ADNP2: variants seen among roughly 807,000 people sequenced by gnomAD.
ADNP2 encodes ADNP homeobox 2, also known as activity-dependent neuroprotector homeobox protein 2.
ADNP2 carries 8 observed loss-of-function variants against 16.4 expected under a neutral mutation model. The ratio of observed to expected loss-of-function variants is 0.49; its 90% confidence interval spans 0.29 to 0.88. The LOEUF (loss-of-function observed/expected upper bound fraction) is 0.88, where lower values mean the gene tolerates loss of function less well. Ranked by LOEUF, ADNP2 falls within the 40% of genes least tolerant of loss-of-function variation. The pLI, the probability that ADNP2 is intolerant of heterozygous loss-of-function variation, is 0.09. For synonymous variants in ADNP2, 637 were observed against 545.8 expected (o/e 1.17, Z -2.33); for missense variants, 1,397 against 1,395.1 (o/e 1.00, Z -0.02).
chr18:80,130,824 AGC>A (rs2052491549), intron 2 of ADNP2, among the ~76,000 whole-genome samples: 3 of 145,110 alleles, frequency 2.1e-5, no homozygotes, highest in Non-Finnish European at 4.5e-5. Context: ...CATTATTCAT[AGC>A]ACCTACCACC....
chr18:80,135,500 G>C lies in ADNP2; in HGVS notation c.199-112G>C. On this transcript the variant is annotated intron_variant, in intron 3 of 3. Transcript: ENST00000262198. ...CCCTGGGTTAGAAAACATTAAGTCA[G>C]GTTAAATGCCTAGCACATTAGAAGA... 5 of 1,117,868 alleles carry C rather than the reference G, an allele frequency of 4.5e-6. No individual in the cohort carries two copies. The South Asian group carries it at 8.4e-5, about 19-fold the overall frequency. The allele number at this position is 1,117,868 out of a possible 1,614,324, so 69.2% of individuals were successfully genotyped here.
chr18:80,114,405 A>G (rs1007152723), intron 1 of ADNP2, among the ~76,000 whole-genome samples: 2 of 152,206 alleles, frequency 1.3e-5, no homozygotes, highest in African/African-American at 4.8e-5. Flanking sequence ...TGACTGATAT[A>G]TATTTTAGCT....
rs34515123 is a variant in ADNP2, at chr18:80,134,386, A to AGTGTGTGTGTGT, written c.199-1204_199-1193dup. Among the ~76,000 whole-genome samples, 49 of 146,322 alleles carry AGTGTGTGTGTGT rather than the reference A, an allele frequency of 3.3e-4. 1 individual carries two copies. Among genetic ancestry groups the AGTGTGTGTGTGT allele is most frequent in the African/African-American group, 1.1e-3 (45 of 39,618 alleles). ...AAAACAAAAAACTGAAGAATGGAAG[A>AGTGTGTGTGTGT]GTGTGTGTGTGTGTGTGTGTGTGTG... On this transcript the variant is annotated intron_variant, in intron 3 of 3. Transcript: ENST00000262198.
intron 2 of ADNP2, among the ~76,000 whole-genome samples, chr18:80,126,382 CTTTGCGTAGATGTGTA>C (rs1418147160): frequency 6.6e-6 from 1 of 152,032 alleles, no homozygotes; most frequent in African/African-American, 2.4e-5. Flanking sequence ...GTCTTCATCC[CTTTGCGTAGATGTGTA>C]TTTCCATCTC....
At chr18:80,133,344 A>G in intron 3 of ADNP2, 152 bp downstream of exon 3, 1 of 685,034 alleles carries the variant, frequency 1.5e-6, no homozygotes, top group Admixed American at 2.2e-5. Flanking sequence ...CAAGAAACCA[A>G]GTATAGTGTG....
Position 80,136,403 on chromosome 18 carries a change from C to G in ADNP2, c.990C>G (p.His330Gln). 6.2e-7 allele frequency: 1 copy of G among 1,614,216 alleles called. No homozygotes were observed. Among genetic ancestry groups the G allele is most frequent in the East Asian group, 2.2e-5 (1 of 44,876 alleles). The change falls in exon 4 of 4, where the codon CAC (histidine) becomes CAG (glutamine). Residue 330 changes from histidine to glutamine, a missense_variant. Transcript: ENST00000262198. ...CCCCCCCTGCTGCTGGCCAATCCCACATGACTCTGGTCTCCAGCCCTCTGC... is the reference window on the plus strand; with the variant it reads ...CCCCCCCTGCTGCTGGCCAATCCCAGATGACTCTGGTCTCCAGCCCTCTGC... ...THSPPAAGQS[H>Q]MTLVSSPLPV...
intron 2 of ADNP2, among the ~76,000 whole-genome samples, chr18:80,118,198 A>G (rs895096797): frequency 3.9e-5 from 6 of 152,068 alleles, no homozygotes; most frequent in Admixed American, 3.9e-4. Context: ...GCTGAGGTGG[A>G]TGGATCATTT....
intron 1 of ADNP2, among the ~76,000 whole-genome samples, chr18:80,117,073 A>G (rs1007879125): frequency 1.3e-5 from 2 of 152,248 alleles, no homozygotes; most frequent in Non-Finnish European, 2.9e-5. Context: ...TATTCTGCAT[A>G]TAAGTTCCTT....
intron 1 of ADNP2, among the ~76,000 whole-genome samples, chr18:80,114,745 A>G (rs2052378608): frequency 6.6e-6 from 1 of 152,156 alleles, no homozygotes; most frequent in South Asian, 2.1e-4. Context: ...CAGACAGGGA[A>G]GGGAGATGGT....
At chr18:80,122,798 C>G (rs879570075) in intron 2 of ADNP2, among the ~76,000 whole-genome samples, 1 of 152,088 alleles carries the variant, frequency 6.6e-6, no homozygotes, top group Non-Finnish European at 1.5e-5. Context: ...GTTACGATGC[C>G]TTTTATTTTT....
In ADNP2 at chr18:80,138,548, A is replaced by C. The variant is rs2052559349; in HGVS notation, c.3135A>C (p.Lys1045Asn). 6.2e-7 allele frequency: 1 copy of C among 1,613,584 alleles called. No individual in the cohort carries two copies. Among genetic ancestry groups the C allele is most frequent in the African/African-American group, 1.3e-5 (1 of 75,002 alleles). ...AGATTTTAGCATTAGATCCTAAAAA[A>C]TATGAAGGCCGTTCTTATGAAGAAA... Reference protein sequence around the residue: ...ALQILALDPKKYEGRSYEEKK... With the variant: ...ALQILALDPKNYEGRSYEEKK... Residue 1045 changes from lysine to asparagine, a missense_variant, in exon 4 of 4, where the codon AAA (lysine) becomes AAC (asparagine). Around this residue, in one of 3 missense-constraint regions of ADNP2, gnomAD observed 611 missense variants for 648.7 expected, o/e 0.94. Coordinates refer to ENST00000262198, the MANE Select transcript of ADNP2 (RefSeq NM_014913.4).
In ADNP2 at chr18:80,125,461, G is replaced by A. The variant is rs545773678; in HGVS notation, c.109-7642G>A. Among the ~76,000 whole-genome samples the A allele has an allele frequency of 2.6e-4, 40 of 152,226 alleles. No individual in the cohort carries two copies. The South Asian group carries it at 4.3e-3, about 17-fold the overall frequency. On this transcript the variant is annotated intron_variant, in intron 2 of 3. Coordinates refer to ENST00000262198, the MANE Select transcript of ADNP2 (RefSeq NM_014913.4). ...GATCGAGACCATTCTGGCTAACATGGTGCAACCCCATCTCTACTAAAAATA... is the reference window on the plus strand; with the variant it reads ...GATCGAGACCATTCTGGCTAACATGATGCAACCCCATCTCTACTAAAAATA...
chr18:80,119,994 G>A (rs1415208300), intron 2 of ADNP2, among the ~76,000 whole-genome samples: 2 of 152,188 alleles, frequency 1.3e-5, no homozygotes, highest in Non-Finnish European at 2.9e-5. Context: ...TACAGTCCCA[G>A]GTGGAAGATG....
At position 80,117,573 on chromosome 18, in the gene ADNP2, A is replaced by G. The variant is rs1325470116; in HGVS notation, c.31A>G (p.Asn11Asp). 6.3e-7 allele frequency: 1 copy of G among 1,596,224 alleles called. No homozygotes were observed. Among genetic ancestry groups the G allele is most frequent in the East Asian group, 2.2e-5 (1 of 44,464 alleles). MFQIPVENLD[N>D]IRKVRKKVKG... ...TCAAATTCCTGTGGAAAATCTTGACAACATCAGAAAGGTGCGAAAAAAGGT... is the reference window on the plus strand; with the variant it reads ...TCAAATTCCTGTGGAAAATCTTGACGACATCAGAAAGGTGCGAAAAAAGGT... The change falls in exon 2 of 4, where the codon AAC (asparagine) becomes GAC (aspartate). Residue 11 changes from asparagine to aspartate, a missense_variant. Physicochemically the swap from Asn to Asp is conservative, Grantham distance 23 (BLOSUM62 1). Coordinates refer to ENST00000262198, the MANE Select transcript of ADNP2 (RefSeq NM_014913.4).
At chr18:80,125,975 A>G (rs999247008) in intron 2 of ADNP2, among the ~76,000 whole-genome samples, 11 of 152,130 alleles carry the variant, frequency 7.2e-5, no homozygotes, top group Admixed American at 5.2e-4. Context: ...TGTCCTTTAC[A>G]GAAGAAGTTT....
intron 1 of ADNP2, among the ~76,000 whole-genome samples, chr18:80,117,067 C>G (rs1260463147): frequency 1.3e-5 from 2 of 152,196 alleles, no homozygotes; most frequent in Admixed American, 1.3e-4. Context: ...TATCTGTATT[C>G]TGCATATAAG....
At chr18:80,126,233 A>G (rs2052457910) in intron 2 of ADNP2, among the ~76,000 whole-genome samples, 1 of 148,816 alleles carries the variant, frequency 6.7e-6, no homozygotes, top group African/African-American at 2.6e-5. Context: ...GTATGCTTTA[A>G]TTTCTTCTTC....
chr18:80,112,240 G>A (rs909738290), intron 1 of ADNP2, among the ~76,000 whole-genome samples: 2 of 151,970 alleles, frequency 1.3e-5, no homozygotes, highest in Non-Finnish European at 2.9e-5. Context: ...TTTTATCTTA[G>A]GATTGATAAA....
chr18:80,114,218 C>T (rs940187839), intron 1 of ADNP2, among the ~76,000 whole-genome samples: 5 of 151,028 alleles, frequency 3.3e-5, no homozygotes, highest in South Asian at 4.2e-4. Flanking sequence ...AAAAAAAGAT[C>T]TTGAGAGGTA....
Sources: allele counts gnomAD v4.1 joint callset (sites outside exome capture counted in the v4.1 genomes callset), GRCh38; gene constraint gnomAD v4.1.1; regional missense constraint gnomAD v4.1.1; transcripts MANE v1.5; gene names NCBI Gene and HGNC (gene_info 2026-07-23, HGNC 2026-07-21).